Variants in GPM6A observed in about 807,000 individuals in gnomAD.
The protein encoded by GPM6A is neuronal membrane glycoprotein M6-a.
GPM6A carries 7 observed loss-of-function variants against 32.1 expected under a neutral mutation model. The observed-to-expected ratio is 0.22, with a 90% CI of 0.12 to 0.41. GPM6A has a LOEUF of 0.41. Among genes scored for constraint, GPM6A ranks in the 10% least tolerant of loss-of-function variants. The probability of loss-of-function intolerance (pLI) is 1.00; values close to 1 mark genes in which losing one functional copy is unlikely to be tolerated. For synonymous variants in GPM6A, 130 were observed against 123.4 expected (o/e 1.05, Z -0.35); for missense variants, 235 against 347.2 (o/e 0.68, Z 2.57).
At chr4:175,757,318 C>T (rs1379902726) in intron 1 of GPM6A, among the ~76,000 whole-genome samples, 1 of 152,070 alleles carries the variant, frequency 6.6e-6, no homozygotes, top group Non-Finnish European at 1.5e-5. Context: ...GAAGTGGATG[C>T]TCCAACCCTG....
chr4:175,827,067 T>G (rs1369355845), intron 1 of GPM6A, among the ~76,000 whole-genome samples: 2 of 152,170 alleles, frequency 1.3e-5, no homozygotes, highest in Non-Finnish European at 2.9e-5. Context: ...GCCCATGAAG[T>G]AAGTATCATT....
intron 1 of GPM6A, among the ~76,000 whole-genome samples, chr4:175,958,410 T>C (rs72704557): frequency 0.012 from 1,860 of 152,356 alleles, 17 homozygotes; most frequent in South Asian, 0.032. Flanking sequence ...AGGTTACAGA[T>C]GTGCAAATTA....
At chr4:175,863,611 A>G (rs1014693964) in intron 1 of GPM6A, among the ~76,000 whole-genome samples, 1 of 152,200 alleles carries the variant, frequency 6.6e-6, no homozygotes, top group Non-Finnish European at 1.5e-5. Flanking sequence ...GAGTGACATT[A>G]CTGGTTTATG....
intron 1 of GPM6A, among the ~76,000 whole-genome samples, chr4:175,938,439 G>C (rs935399979): frequency 6.6e-6 from 1 of 152,074 alleles, no homozygotes; most frequent in Non-Finnish European, 1.5e-5. Context: ...TTTAATGATC[G>C]CCATTCTAAC....
At chr4:175,924,045 T>G (rs181697014) in intron 1 of GPM6A, among the ~76,000 whole-genome samples, 72 of 152,304 alleles carry the variant, frequency 4.7e-4, no homozygotes, top group Non-Finnish European at 5.9e-5. Flanking sequence ...TAATCATTAT[T>G]AATAGTTGCA....
intron 1 of GPM6A, among the ~76,000 whole-genome samples, chr4:175,977,609 C>A (rs569863933): frequency 6.6e-6 from 1 of 152,124 alleles, no homozygotes; most frequent in South Asian, 2.1e-4. Context: ...CTTGTGATTA[C>A]AAACTTGTAT....
chr4:175,790,356 C>G (rs1733963640), intron 1 of GPM6A: 1 of 152,132 alleles, frequency 6.6e-6, no homozygotes, highest in African/African-American at 2.4e-5. Context: ...AATTCACCAG[C>G]AAAATAAAGG....
intron 1 of GPM6A, among the ~76,000 whole-genome samples, chr4:175,703,077 C>T (rs539892055): frequency 2.0e-5 from 3 of 152,236 alleles, no homozygotes; most frequent in South Asian, 2.1e-4. Context: ...TTCTCATGAG[C>T]ATTAAATGAG....
chr4:175,667,777 A>G lies in GPM6A; in HGVS notation c.387+5903T>C, dbSNP rs545062512. ...GCAGTCACAAATTATATAACATTAT[A>G]TCCTAGAACAATCTGATAGGAGAAT... On this transcript the variant is annotated intron_variant, in intron 3 of 6. Coordinates refer to ENST00000393658, the MANE Select transcript of GPM6A (RefSeq NM_201591.3). Among the ~76,000 whole-genome samples the G allele has an allele frequency of 2.0e-4, 30 of 152,232 alleles. 1 individual carries two copies. Among genetic ancestry groups the G allele is most frequent in the Admixed American group, 3.9e-4 (6 of 15,278 alleles).
At chr4:175,966,499 G>T (rs1309967726) in intron 1 of GPM6A, among the ~76,000 whole-genome samples, 2 of 151,174 alleles carry the variant, frequency 1.3e-5, no homozygotes, top group African/African-American at 4.9e-5. Flanking sequence ...TGGAGGTGTG[G>T]AGGTGGGGCC....
intron 3 of GPM6A, among the ~76,000 whole-genome samples, chr4:175,665,921 C>CT (rs774784502): frequency 0.011 from 1,492 of 139,736 alleles, 37 homozygotes; most frequent in African/African-American, 0.017. Context: ...GAAAAATGTA[C>CT]TTTTTTTTTT....
At chr4:175,707,030 G>A (rs1745231717) in intron 1 of GPM6A, among the ~76,000 whole-genome samples, 1 of 152,116 alleles carries the variant, frequency 6.6e-6, no homozygotes, top group African/African-American at 2.4e-5. Context: ...AAAAGGGGAG[G>A]AACCATCAGT....
At chr4:175,994,368 G>A (rs1394378452) in intron 1 of GPM6A, among the ~76,000 whole-genome samples, 1 of 152,104 alleles carries the variant, frequency 6.6e-6, no homozygotes, top group Non-Finnish European at 1.5e-5. Context: ...AATAGTGCAG[G>A]CATGCCTTAG....
chr4:175,831,762 C>A, intron 1 of GPM6A, among the ~76,000 whole-genome samples: 1 of 122,382 alleles, frequency 8.2e-6, no homozygotes. Flanking sequence ...TTTTGTCGCC[C>A]AGGCTGGAGT....
intron 1 of GPM6A, among the ~76,000 whole-genome samples, chr4:175,912,810 TGA>T (rs1354405133): frequency 6.6e-6 from 1 of 152,150 alleles, no homozygotes; most frequent in Admixed American, 6.6e-5. Flanking sequence ...AGAATGATGG[TGA>T]GAGTTAAATG....
chr4:175,788,362 GA>G lies in GPM6A; in HGVS notation c.37+23828del, dbSNP rs1414503963. 2.0e-5 allele frequency among the ~76,000 whole-genome samples: 3 copies of G among 152,126 alleles called. 1 individual carries two copies. Among genetic ancestry groups the G allele is most frequent in the Admixed American group, 6.6e-5 (1 of 15,250 alleles). ...ATGTATTTTCAATCCTGAAATCAAG[GA>G]AAACAGTCAGTTGTTTCTCAAAGAA... On this transcript the variant is annotated intron_variant, in intron 1 of 6. Coordinates refer to ENST00000393658, the MANE Select transcript of GPM6A (RefSeq NM_201591.3).
chr4:175,897,901 C>T (rs377532965), intron 1 of GPM6A, among the ~76,000 whole-genome samples: 45 of 152,084 alleles, frequency 3.0e-4, no homozygotes, highest in African/African-American at 1.1e-3. Context: ...AATTAGAATC[C>T]CTCTTCTCTT....
chr4:175,955,257 A>C (rs1465776413), intron 1 of GPM6A, among the ~76,000 whole-genome samples: 2 of 152,232 alleles, frequency 1.3e-5, no homozygotes, highest in African/African-American at 4.8e-5. Context: ...AGAAAGGAAA[A>C]TCTAGTAAGT....
chr4:175,888,300 G>A (rs889049657), intron 1 of GPM6A, among the ~76,000 whole-genome samples: 2 of 151,870 alleles, frequency 1.3e-5, no homozygotes, highest in African/African-American at 2.4e-5. Flanking sequence ...ACCAGAAATC[G>A]ATTAAAATTG....
Sources: allele counts gnomAD v4.1 joint callset (sites outside exome capture counted in the v4.1 genomes callset), GRCh38; gene constraint gnomAD v4.1.1; transcripts MANE v1.5; gene names NCBI Gene and HGNC (gene_info 2026-07-23, HGNC 2026-07-21).